GALNT2: variants seen among roughly 807,000 people sequenced by gnomAD.
GALNT2 encodes UDP-GalNAc:polypeptide N-acetylgalactosaminyltransferase 2.
Under a neutral mutation model 81.4 loss-of-function variants are expected in GALNT2, and 31 were observed. The observed-to-expected ratio is 0.38, with a 90% CI of 0.29 to 0.51. GALNT2 has a LOEUF of 0.51. Ranked by LOEUF, GALNT2 falls within the 20% of genes least tolerant of loss-of-function variation. The pLI is 0.87. For missense variants in GALNT2, 629 were observed against 765.7 expected, an observed-to-expected ratio of 0.82 and a Z score of 2.11; for synonymous variants, 303 against 287.4, an observed-to-expected ratio of 1.05 and a Z score of -0.55.
At chr1:230,242,308 T>C (rs534237290) in intron 6 of GALNT2, among the ~76,000 whole-genome samples, 2 of 152,320 alleles carry the variant, frequency 1.3e-5, no homozygotes, top group South Asian at 4.1e-4. Context: ...CAAGTTGTTT[T>C]GCAATTATCA....
chr1:230,176,549 G>A (rs868557265), intron 1 of GALNT2, among the ~76,000 whole-genome samples: 11 of 152,108 alleles, frequency 7.2e-5, no homozygotes, highest in Non-Finnish European at 1.5e-4. Context: ...AAATTAATGC[G>A]TAATTAAAAG....
chr1:230,265,098 TG>T (rs949651647), intron 13 of GALNT2, 142 bp from the exon 14 acceptor site: 15 of 968,390 alleles, frequency 1.5e-5, no homozygotes, highest in African/African-American at 4.8e-5. Flanking sequence ...ACACTACCTG[TG>T]GTAGGAAGAG....
At chr1:230,268,502 G>A (rs1362876576) in intron 14 of GALNT2, 1 of 152,200 alleles carries the variant, frequency 6.6e-6, no homozygotes, top group Non-Finnish European at 1.5e-5. Context: ...CTGCTGGAAA[G>A]CGACACACCT....
chr1:230,268,345 G>GT (rs1486982733), intron 14 of GALNT2: 2 of 152,248 alleles, frequency 1.3e-5, no homozygotes, highest in African/African-American at 4.8e-5. Context: ...GCCCACCCAG[G>GT]TTCCGTACTG....
At chr1:230,082,946 A>G (rs1156317370) in intron 1 of GALNT2, among the ~76,000 whole-genome samples, 1 of 150,702 alleles carries the variant, frequency 6.6e-6, no homozygotes, top group African/African-American at 2.5e-5. Context: ...AGCTGGGATG[A>G]TGGAGCAGAG....
intron 1 of GALNT2, among the ~76,000 whole-genome samples, chr1:230,074,097 GCT>G (rs1491184864): frequency 5.8e-4 from 29 of 50,248 alleles, no homozygotes; most frequent in Admixed American, 1.7e-3. Flanking sequence ...TTTTTGGCTG[GCT>G]TTTTTTTTTT....
chr1:230,226,708 C>T (rs990126939), intron 3 of GALNT2, among the ~76,000 whole-genome samples: 13 of 152,218 alleles, frequency 8.5e-5, no homozygotes, highest in Admixed American at 4.6e-4. Context: ...AGCCAGTCAT[C>T]GCACCCGCGG....
chr1:230,119,114 A>C (rs1660936416), intron 1 of GALNT2, among the ~76,000 whole-genome samples: 1 of 152,206 alleles, frequency 6.6e-6, no homozygotes, highest in Non-Finnish European at 1.5e-5. Flanking sequence ...TTTGGTTCCT[A>C]AATGTTATAC....
intron 1 of GALNT2, among the ~76,000 whole-genome samples, chr1:230,132,186 A>G (rs973188514): frequency 1.3e-5 from 2 of 152,176 alleles, no homozygotes; most frequent in African/African-American, 2.4e-5. Flanking sequence ...GACGGTCTCA[A>G]GTAGCAGTAA....
chr1:230,265,028 A>G, intron 13 of GALNT2: 2 of 544,858 alleles, frequency 3.7e-6, no homozygotes, highest in Non-Finnish European at 6.5e-6. Context: ...TACTTCTGCA[A>G]CATACAGTCT....
chr1:230,212,645 A>G (rs564763388), intron 3 of GALNT2, among the ~76,000 whole-genome samples: 53 of 152,148 alleles, frequency 3.5e-4, no homozygotes, highest in Admixed American at 1.0e-3. Context: ...GTGGCCAGCA[A>G]TAATGGCTCC....
intron 1 of GALNT2, among the ~76,000 whole-genome samples, chr1:230,106,838 A>G (rs1173469583): frequency 6.6e-6 from 1 of 152,166 alleles, no homozygotes; most frequent in African/African-American, 2.4e-5. Flanking sequence ...CTTAGCCTGG[A>G]TGATAATGTT....
chr1:230,169,758 A>C (rs1225834436), intron 1 of GALNT2, among the ~76,000 whole-genome samples: 6 of 152,248 alleles, frequency 3.9e-5, no homozygotes, highest in Non-Finnish European at 8.8e-5. Flanking sequence ...TTACACAGTA[A>C]AATAAGTGAA....
At chr1:230,064,201 G>C, upstream of GALNT2, among the ~76,000 whole-genome samples, 1 of 152,094 alleles carries the variant, frequency 6.6e-6, no homozygotes, top group East Asian at 1.9e-4. Context: ...ACCTGCTACT[G>C]ATATTGCAGA....
chr1:230,105,053 G>A (rs1343894508), intron 1 of GALNT2, among the ~76,000 whole-genome samples: 2 of 152,210 alleles, frequency 1.3e-5, no homozygotes, highest in Non-Finnish European at 2.9e-5. Context: ...GGCCCTTCCT[G>A]TAAGGAGCGT....
At chr1:230,074,420 G>T (rs1042855003) in intron 1 of GALNT2, among the ~76,000 whole-genome samples, 1 of 152,184 alleles carries the variant, frequency 6.6e-6, no homozygotes, top group African/African-American at 2.4e-5. Flanking sequence ...TGCATTGTAT[G>T]ATGTGTAGCA....
intron 1 of GALNT2, among the ~76,000 whole-genome samples, chr1:230,081,542 T>G (rs1355291777): frequency 6.6e-6 from 1 of 152,214 alleles, no homozygotes; most frequent in African/African-American, 2.4e-5. Flanking sequence ...GTTCTTTCAT[T>G]AGTTCAGTTT....
At chr1:230,094,985 C>T (rs965901660) in intron 1 of GALNT2, among the ~76,000 whole-genome samples, 5 of 152,164 alleles carry the variant, frequency 3.3e-5, no homozygotes, top group East Asian at 1.9e-4. Context: ...AAGCACGGGC[C>T]GCGATGATGT....
At position 230,193,313 on chromosome 1, in the gene GALNT2, A is replaced by G. The variant is rs1663585949; in HGVS notation, c.221-9824A>G. ...TTCCTGCACAACGGGACCTGCATCC[A>G]GGAAGATACCTCCCCTCCCCTTGTA... On this transcript the variant is annotated intron_variant, in intron 2 of 15. Transcript: ENST00000366672. This position sits in a 1 kb window ranked among gnomAD's most constrained non-coding sequence, Gnocchi z 4.3. Among the ~76,000 whole-genome samples the G allele has an allele frequency of 6.6e-6, 1 of 152,214 alleles. No individual in the cohort carries two copies. The highest frequency in any genetic ancestry group is 1.5e-5 in the Non-Finnish European group (1 of 68,030).
Sources: allele counts gnomAD v4.1 joint callset (sites outside exome capture counted in the v4.1 genomes callset), GRCh38; gene constraint gnomAD v4.1.1; non-coding constraint Gnocchi (gnomAD v3.1); transcripts MANE v1.5; gene names NCBI Gene and HGNC (gene_info 2026-07-23, HGNC 2026-07-21).